SUGCT: variants seen among roughly 807,000 people sequenced by gnomAD.
SUGCT encodes succinyl-CoA:glutarate-CoA transferase.
SUGCT carries 41 observed loss-of-function variants against 55.0 expected under a neutral mutation model. That is an observed-to-expected ratio of 0.74 (90% CI 0.58 to 0.97). The LOEUF is 0.97. Ranked by LOEUF, SUGCT falls within the 50% of genes least tolerant of loss-of-function variation. SUGCT has a pLI of 0.00. For missense variants in SUGCT, 568 were observed against 547.8 expected (o/e 1.04, Z -0.37); for synonymous variants, 187 against 200.4 (o/e 0.93, Z 0.56).
intron 12 of SUGCT, among the ~76,000 whole-genome samples, chr7:40,588,677 CATCATATTTAATA>C (rs1562882818): frequency 6.6e-6 from 1 of 152,036 alleles, no homozygotes; most frequent in African/African-American, 2.4e-5. Context: ...GGTTTAATAC[CATCATATTTAATA>C]ATACTGCAAT....
intron 9 of SUGCT, among the ~76,000 whole-genome samples, chr7:40,318,375 C>CG (rs1795547394): frequency 6.6e-6 from 1 of 152,210 alleles, no homozygotes; most frequent in African/African-American, 2.4e-5. Flanking sequence ...GGTATTTTAA[C>CG]AGAACAATGT....
At chr7:40,936,361 A>T in the SUGCT span, among the ~76,000 whole-genome samples, 1 of 151,732 alleles carries the variant, frequency 6.6e-6, no homozygotes, top group Admixed American at 6.6e-5. Context: ...CAGATAGGTA[A>T]TCAAAAATGT....
the SUGCT span, among the ~76,000 whole-genome samples, chr7:40,894,659 A>G: frequency 6.6e-6 from 1 of 152,366 alleles, no homozygotes; most frequent in South Asian, 2.1e-4. Context: ...GGACATGAAC[A>G]GACACTTTTC....
intron 9 of SUGCT, among the ~76,000 whole-genome samples, chr7:40,435,944 TC>T (rs1384919094): frequency 7.7e-5 from 9 of 116,332 alleles, no homozygotes; most frequent in South Asian, 3.9e-4. Context: ...TCTTTTCTTT[TC>T]TTTTTTTTTT....
intron 12 of SUGCT, among the ~76,000 whole-genome samples, chr7:40,695,218 T>TA (rs34798285): frequency 9.0e-4 from 135 of 150,092 alleles, no homozygotes; most frequent in Middle Eastern, 7.0e-3. Context: ...TTTATTTATT[T>TA]TGAGACAGGG....
chr7:40,996,621 A>C, the SUGCT span, among the ~76,000 whole-genome samples: 4 of 152,198 alleles, frequency 2.6e-5, no homozygotes, highest in African/African-American at 9.6e-5. Flanking sequence ...TCTGTCCTGC[A>C]ATTTTACCAT....
At chr7:40,994,868 G>T in the SUGCT span, among the ~76,000 whole-genome samples, 1 of 152,094 alleles carries the variant, frequency 6.6e-6, no homozygotes, top group Non-Finnish European at 1.5e-5. Context: ...TCTCCCTTTT[G>T]CTGTTGCTCT....
At chr7:40,596,018 A>G (rs1253479838) in intron 12 of SUGCT, among the ~76,000 whole-genome samples, 1 of 152,216 alleles carries the variant, frequency 6.6e-6, no homozygotes, top group African/African-American at 2.4e-5. Context: ...TTTCATTTCC[A>G]TGTAGTGCGA....
In SUGCT at chr7:40,749,496, A is replaced by G. The variant is rs964920195; in HGVS notation, c.1152A>G (p.Pro384=). 14 of 1,613,080 alleles carry G rather than the reference A, an allele frequency of 8.7e-6. No individual in the cohort carries two copies. Among genetic ancestry groups the G allele is most frequent in the Admixed American group, 3.3e-5 (2 of 59,992 alleles). The change falls in exon 13 of 14, where the codon CCA becomes CCG. Residue 384 remains proline (P), a splice_region_variant and synonymous_variant. Coordinates refer to ENST00000335693, the MANE Select transcript of SUGCT (RefSeq NM_001193313.2). The stretch of plus-strand genomic sequence containing the variant: ...CAACTGTGGGGAAGATTTCCGTCCC[A>G]GGTCTGAAAAGTTTTGGTATTTTCT... ...EHPTVGKISV[P]GPAVRYSKFK...
At chr7:40,426,282 T>C (rs939456487) in intron 9 of SUGCT, among the ~76,000 whole-genome samples, 2 of 152,074 alleles carry the variant, frequency 1.3e-5, no homozygotes, top group African/African-American at 4.8e-5. Context: ...AGGTAGATAA[T>C]TGGTTTGATT....
chr7:40,427,575 A>C (rs1267053091), intron 9 of SUGCT, among the ~76,000 whole-genome samples: 7 of 152,134 alleles, frequency 4.6e-5, no homozygotes, highest in Admixed American at 3.9e-4. Context: ...CTCAGTTTGC[A>C]TATTGTTGTT....
the SUGCT span, among the ~76,000 whole-genome samples, chr7:40,913,008 A>ATTTTTT: frequency 2.5e-5 from 3 of 121,588 alleles, no homozygotes; most frequent in African/African-American, 6.5e-5. Context: ...GCTGGATCCA[A>ATTTTTT]TTTTTTTTTT....
At chr7:40,250,255 C>A (rs947629519) in intron 7 of SUGCT, among the ~76,000 whole-genome samples, 1 of 149,952 alleles carries the variant, frequency 6.7e-6, no homozygotes, top group Non-Finnish European at 1.5e-5. Flanking sequence ...AAAAAATTAG[C>A]GGGGCGTGGA....
intron 12 of SUGCT, among the ~76,000 whole-genome samples, chr7:40,578,839 T>G (rs1796918774): frequency 6.6e-6 from 1 of 152,218 alleles, no homozygotes; most frequent in Admixed American, 6.5e-5. Flanking sequence ...CTTGTCAGTT[T>G]CTGATATTTT....
At chr7:40,345,161 G>A (rs1266876811) in intron 9 of SUGCT, among the ~76,000 whole-genome samples, 1 of 152,144 alleles carries the variant, frequency 6.6e-6, no homozygotes, top group Non-Finnish European at 1.5e-5. Flanking sequence ...AATCTTGAAG[G>A]GAGAATAGAA....
chr7:40,451,172 A>G (rs1313751888), intron 10 of SUGCT, among the ~76,000 whole-genome samples: 2 of 152,290 alleles, frequency 1.3e-5, no homozygotes, highest in South Asian at 2.1e-4. Flanking sequence ...GTTCATTGCT[A>G]TAAACGAGTA....
chr7:40,694,501 C>T (rs1289536575), intron 12 of SUGCT, among the ~76,000 whole-genome samples: 1 of 152,182 alleles, frequency 6.6e-6, no homozygotes, highest in African/African-American at 2.4e-5. Context: ...TCTAGTATTT[C>T]CTTTGCAGCA....
chr7:40,617,181 A>C (rs1185175797), intron 12 of SUGCT, among the ~76,000 whole-genome samples: 4 of 152,180 alleles, frequency 2.6e-5, no homozygotes, highest in South Asian at 2.1e-4. Flanking sequence ...TATGTCTTTG[A>C]AAAATGGATG....
chr7:40,317,782 T>C (rs1795519627), intron 9 of SUGCT, among the ~76,000 whole-genome samples: 1 of 152,230 alleles, frequency 6.6e-6, no homozygotes, highest in Admixed American at 6.5e-5. Context: ...TTCTTTTCCA[T>C]TTTTTAAAAT....
Sources: gnomAD v4.1 joint callset for allele counts (sites outside exome capture counted in the v4.1 genomes callset) on GRCh38, gnomAD v4.1.1 for gene constraint, MANE v1.5 for transcripts, NCBI Gene and HGNC (gene_info 2026-07-23, HGNC 2026-07-21) for gene names.